The following SCCPDH variants were observed in gnomAD, a reference collection of about 807,000 sequenced individuals.
SCCPDH encodes saccharopine dehydrogenase (putative), also known as saccharopine dehydrogenase-like oxidoreductase.
Under a neutral mutation model 51.5 loss-of-function variants are expected in SCCPDH, and 34 were observed. The ratio of observed to expected loss-of-function variants is 0.66; its 90% CI spans 0.50 to 0.88. SCCPDH has a LOEUF of 0.88. SCCPDH is among the 40% of genes least tolerant of loss of function. The probability of loss-of-function intolerance (pLI) is 0.00; values close to 1 mark genes in which losing one functional copy is unlikely to be tolerated. For missense variants in SCCPDH, 464 were observed against 527.1 expected (o/e 0.88, Z 1.17); for synonymous variants, 187 against 191.3 (o/e 0.98, Z 0.19).
At chr1:246,744,051 T>C (rs767317874) in intron 4 of SCCPDH, 25 bp from the exon 5 acceptor site, 3 of 1,478,416 alleles carry the variant, frequency 2.0e-6, no homozygotes, top group Non-Finnish European at 2.8e-6. Flanking sequence ...TTATTTTGCT[T>C]TTTACCATTC....
chr1:246,749,233 G>A (rs1299918238), intron 5 of SCCPDH, among the ~76,000 whole-genome samples: 3 of 152,248 alleles, frequency 2.0e-5, no homozygotes, highest in Non-Finnish European at 4.4e-5. Context: ...TGTTGCACAA[G>A]CATAACCGTC....
chr1:246,735,595 G>A (rs112838477), intron 2 of SCCPDH, among the ~76,000 whole-genome samples: 8,019 of 152,252 alleles, frequency 0.053, 388 homozygotes, highest in East Asian at 0.17. Context: ...GCAGTGGCAC[G>A]ATCTTGGCTC....
intron 5 of SCCPDH, among the ~76,000 whole-genome samples, chr1:246,744,853 T>C (rs1668735390): frequency 6.6e-6 from 1 of 152,300 alleles, no homozygotes; most frequent in East Asian, 1.9e-4. Context: ...CTCGAATTCC[T>C]GGCCTCAAGT....
chr1:246,759,535 C>A (rs1668981516), intron 7 of SCCPDH, among the ~76,000 whole-genome samples: 1 of 152,050 alleles, frequency 6.6e-6, no homozygotes, highest in African/African-American at 2.4e-5. Context: ...CTGCTTTTGG[C>A]GAGGAAAGTA....
intron 5 of SCCPDH, among the ~76,000 whole-genome samples, chr1:246,749,601 A>C (rs1668820941): frequency 6.6e-6 from 1 of 152,196 alleles, no homozygotes; most frequent in Non-Finnish European, 1.5e-5. Context: ...GGGGAGGGGA[A>C]ACTCCTTTAG....
intron 5 of SCCPDH, among the ~76,000 whole-genome samples, chr1:246,756,331 C>A (rs1446883696): frequency 2.0e-5 from 3 of 152,152 alleles, no homozygotes; most frequent in African/African-American, 7.2e-5. Context: ...AAGAATTTTT[C>A]TTGATTACTG....
chr1:246,729,435 AG>A (rs1404655603), intron 2 of SCCPDH, among the ~76,000 whole-genome samples: 2 of 152,152 alleles, frequency 1.3e-5, no homozygotes, highest in Admixed American at 1.3e-4. Flanking sequence ...TTCCTTTCCC[AG>A]GGTTATTCCT....
chr1:246,730,583 T>C (rs572227407), intron 2 of SCCPDH, among the ~76,000 whole-genome samples: 82 of 152,342 alleles, frequency 5.4e-4, no homozygotes, highest in Middle Eastern at 3.4e-3. Flanking sequence ...CTTCAACACA[T>C]GACCACTTAA....
At chr1:246,746,391 C>T (rs1396470467) in intron 5 of SCCPDH, among the ~76,000 whole-genome samples, 3 of 152,152 alleles carry the variant, frequency 2.0e-5, no homozygotes, top group Admixed American at 6.6e-5. Flanking sequence ...ATAACACAAC[C>T]GGTCAGGTCA....
chr1:246,747,576 A>G (rs775976056), intron 5 of SCCPDH, among the ~76,000 whole-genome samples: 1 of 152,332 alleles, frequency 6.6e-6, no homozygotes, highest in South Asian at 2.1e-4. Flanking sequence ...CTTTACTTCT[A>G]TAGAAGGGTG....
At position 246,766,110 on chromosome 1, in the gene SCCPDH, T is replaced by C. The variant is rs1669084019; in HGVS notation, c.1155T>C (p.Leu385=). 2 of 1,613,302 alleles carry C rather than the reference T, an allele frequency of 1.2e-6. No individual in the cohort carries two copies. Among genetic ancestry groups the C allele is most frequent in the Admixed American group, 1.7e-5 (1 of 59,902 alleles). The change falls in exon 11 of 12, where the codon CTT becomes CTC. Residue 385 remains leucine, a synonymous_variant. Coordinates refer to ENST00000366510, the MANE Select transcript of SCCPDH (RefSeq NM_016002.3). ...CTATGGTTCAGGCAGCCATGACTCTTCTAAGTGATGCTTCTCATCTGCCTA... is the reference window on the plus strand; with the variant it reads ...CTATGGTTCAGGCAGCCATGACTCTCCTAAGTGATGCTTCTCATCTGCCTA... The part of the protein sequence containing the change: ...PIAMVQAAMT[L]LSDASHLPKA...
chr1:246,740,234 T>C lies in SCCPDH; in HGVS notation c.447T>C (p.Ile149=). The C allele has an allele frequency of 1.2e-6, 2 of 1,610,860 alleles. No individual in the cohort carries two copies. The highest frequency in any genetic ancestry group is 2.2e-5 in the South Asian group (2 of 90,750). The change falls in exon 4 of 12, where the codon ATT becomes ATC. Residue 149 remains isoleucine, a synonymous_variant. Transcript: ENST00000366510. ...EKAADKGVYI[I]GSSGFDSIPA... ...CTGCAGACAAAGGGGTTTATATCAT[T>C]GGAAGCAGCGGCTTTGACTCCATTC... is the stretch of plus-strand genomic sequence containing the variant.
At chr1:246,730,583 T>G (rs572227407) in intron 2 of SCCPDH, among the ~76,000 whole-genome samples, 1 of 152,226 alleles carries the variant, frequency 6.6e-6, no homozygotes, top group South Asian at 2.1e-4. Flanking sequence ...CTTCAACACA[T>G]GACCACTTAA....
At chr1:246,760,286 C>A in intron 9 of SCCPDH, 59 bp downstream of exon 9, 1 of 1,382,380 alleles carries the variant, frequency 7.2e-7, no homozygotes, top group Admixed American at 2.0e-5. Context: ...ATGACGGTAT[C>A]ATCTAACACT....
chr1:246,743,164 A>G (rs1185236256), intron 4 of SCCPDH, among the ~76,000 whole-genome samples: 1 of 151,064 alleles, frequency 6.6e-6, no homozygotes, highest in East Asian at 2.0e-4. Flanking sequence ...CAGTGGCGTG[A>G]TCATGGCTCA....
chr1:246,732,830 G>A (rs1218291566), intron 2 of SCCPDH, among the ~76,000 whole-genome samples: 1 of 152,222 alleles, frequency 6.6e-6, no homozygotes, highest in African/African-American at 2.4e-5. Flanking sequence ...CCAGGGAAGT[G>A]AGTGTTGTTA....
rs1668434934 is a variant in SCCPDH at position 246,728,376 on chromosome 1, C to G, written c.303+1372C>G. ...TGCTGCACTCTATAATGGACGCCCT[C>G]ATCTATCTCCCTTGCCTTTTTCTCC... On this transcript the variant is annotated intron_variant, in intron 2 of 11. Transcript: ENST00000366510. Among the ~76,000 whole-genome samples, 3 of 152,192 alleles carry G rather than the reference C, an allele frequency of 2.0e-5. No homozygotes were observed. The South Asian group carries it at 6.2e-4, about 31-fold the overall frequency.
intron 5 of SCCPDH, among the ~76,000 whole-genome samples, chr1:246,750,624 A>C (rs1165485576): frequency 6.6e-6 from 1 of 152,326 alleles, no homozygotes; most frequent in Admixed American, 6.5e-5. Flanking sequence ...TGTACAGTGA[A>C]ATGAGTCCTA....
At chr1:246,759,310 G>A (rs905078390) in intron 7 of SCCPDH, among the ~76,000 whole-genome samples, 159 bp downstream of exon 7, 2 of 152,122 alleles carry the variant, frequency 1.3e-5, no homozygotes, top group African/African-American at 4.8e-5. Context: ...AGAACATTTT[G>A]TATTTTATAA....
Sources: allele counts gnomAD v4.1 joint callset (sites outside exome capture counted in the v4.1 genomes callset), GRCh38; gene constraint gnomAD v4.1.1; transcripts MANE v1.5; gene names NCBI Gene and HGNC (gene_info 2026-07-23, HGNC 2026-07-21).